Variants in PRELID2 observed in about 807,000 individuals in gnomAD.
The protein encoded by PRELID2 is PRELI domain containing 2, also known as PRELI domain-containing protein 2.
A neutral mutation model predicts 28.4 loss-of-function variants in PRELID2; 25 were observed. The observed-to-expected ratio is 0.88, with a 90% CI of 0.64 to 1.23. The LOEUF is 1.23. Among genes scored for constraint, PRELID2 ranks in the 50% most tolerant of loss-of-function variants. The pLI, the probability that PRELID2 is intolerant of heterozygous loss-of-function variation, is 0.00. For missense variants in PRELID2, 201 were observed against 214.4 expected (o/e 0.94, Z 0.39); for synonymous variants, 76 against 71.6 (o/e 1.06, Z -0.31).
At chr5:145,369,866 T>A in the PRELID2 span, among the ~76,000 whole-genome samples, 1 of 152,172 alleles carries the variant, frequency 6.6e-6, no homozygotes, top group Non-Finnish European at 1.5e-5. Context: ...ATTCCTCTAA[T>A]GACCAGTGAT....
At chr5:145,531,673 G>A (rs987070657) in intron 1 of PRELID2, among the ~76,000 whole-genome samples, 2 of 152,124 alleles carry the variant, frequency 1.3e-5, no homozygotes, top group Non-Finnish European at 2.9e-5. Flanking sequence ...GCTCTGCAAG[G>A]CCTCTCTGCT....
At chr5:145,379,965 T>C in the PRELID2 span, among the ~76,000 whole-genome samples, 3 of 151,922 alleles carry the variant, frequency 2.0e-5, no homozygotes, top group Admixed American at 1.3e-4. Flanking sequence ...CCCTACAGAG[T>C]TCAGGTCCAA....
chr5:145,562,807 T>A (rs551148358), intron 1 of PRELID2, among the ~76,000 whole-genome samples: 67 of 152,072 alleles, frequency 4.4e-4, no homozygotes, highest in Non-Finnish European at 9.0e-4. Flanking sequence ...AAGGAGAAGA[T>A]GGGTGATTAT....
chr5:145,638,105 C>G (rs1339845813), intron 1 of PRELID2, among the ~76,000 whole-genome samples: 2 of 152,156 alleles, frequency 1.3e-5, no homozygotes, highest in Non-Finnish European at 2.9e-5. Flanking sequence ...GCCACCGCTC[C>G]CAGCCAACCA....
intron 1 of PRELID2, among the ~76,000 whole-genome samples, chr5:145,517,616 T>C (rs1280353507): frequency 6.6e-6 from 1 of 152,134 alleles, no homozygotes; most frequent in African/African-American, 2.4e-5. Flanking sequence ...AGAAGTACCA[T>C]TTGACCCAGC....
At chr5:145,481,416 T>C (rs1236091762) in intron 1 of PRELID2, among the ~76,000 whole-genome samples, 1 of 151,852 alleles carries the variant, frequency 6.6e-6, no homozygotes, top group Non-Finnish European at 1.5e-5. Flanking sequence ...CTAAAACAAA[T>C]ATTTTCAATC....
intron 5 of PRELID2, among the ~76,000 whole-genome samples, chr5:145,774,130 G>T (rs1410486189): frequency 2.0e-5 from 3 of 152,160 alleles, no homozygotes; most frequent in Admixed American, 2.0e-4. Context: ...ATTTATTATG[G>T]GGTTACTGTA....
chr5:145,695,833 C>T (rs1049548571), intron 1 of PRELID2, among the ~76,000 whole-genome samples: 20 of 152,056 alleles, frequency 1.3e-4, no homozygotes, highest in African/African-American at 4.8e-4. Flanking sequence ...TCAGGAGTAA[C>T]ATATCACCAC....
intron 1 of PRELID2, among the ~76,000 whole-genome samples, chr5:145,739,140 T>C (rs970361229): frequency 6.6e-6 from 1 of 152,064 alleles, no homozygotes; most frequent in Non-Finnish European, 1.5e-5. Flanking sequence ...CTGAAAAAAT[T>C]AGTCACCAGC....
chr5:145,503,569 A>G (rs1752378582), intron 1 of PRELID2, among the ~76,000 whole-genome samples: 1 of 152,154 alleles, frequency 6.6e-6, no homozygotes, highest in East Asian at 1.9e-4. Context: ...TTTACAGATG[A>G]GAAAACTAAG....
At position 145,757,350 on chromosome 5, in the gene PRELID2, T is replaced by C. The variant is rs931799334; in HGVS notation, c.*3186A>G. ...TGCATAAGAACTTTATACTGTGTCC[T>C]GAATGATCAACTGAAATTCCACGAA... On this transcript the variant is annotated 3_prime_UTR_variant, in exon 7 of 7. Coordinates refer to ENST00000683046, the MANE Select transcript of PRELID2 (RefSeq NM_205846.3). Among the ~76,000 whole-genome samples the C allele has an allele frequency of 3.3e-5, 5 of 152,234 alleles. No homozygotes were observed. Among genetic ancestry groups the C allele is most frequent in the African/African-American group, 4.8e-5 (2 of 41,458 alleles).
intron 1 of PRELID2, among the ~76,000 whole-genome samples, chr5:145,552,117 C>T (rs1362246617): frequency 2.0e-5 from 3 of 152,266 alleles, no homozygotes; most frequent in Non-Finnish European, 4.4e-5. Context: ...ATAGTGTGCC[C>T]TACTTTTCCA....
Position 145,817,874 on chromosome 5 carries a change from C to A in PRELID2, c.368+20G>T. 1 of 1,529,506 alleles carries A rather than the reference C, an allele frequency of 6.5e-7. No homozygotes were observed. Among genetic ancestry groups the A allele is most frequent in the Non-Finnish European group, 8.8e-7 (1 of 1,141,674 alleles). 94.7% of individuals were successfully genotyped at this position (1,529,506 alleles called of 1,614,324 possible). A position where few individuals can be genotyped will look rare whatever the true frequency, so the allele number is the denominator to read the frequency against. ...CATCCCTGCAACCAAAACACACACA[C>A]ATATACACACGAGTCTTACCAATTT... On this transcript the variant is annotated intron_variant, in intron 4 of 6. Coordinates refer to ENST00000683046, the MANE Select transcript of PRELID2 (RefSeq NM_205846.3).
At chr5:145,466,834 C>A (rs1015406513), downstream of PRELID2, among the ~76,000 whole-genome samples, 1 of 152,194 alleles carries the variant, frequency 6.6e-6, no homozygotes, top group South Asian at 2.1e-4. Context: ...ATTTAGCAAG[C>A]CACACTCAAC....
At chr5:145,229,415 A>T in the PRELID2 span, 1 of 763,126 alleles carries the variant, frequency 1.3e-6, no homozygotes, top group African/African-American at 1.7e-5. Context: ...GAACCCCAAG[A>T]ACCAAGTGCC....
chr5:145,377,968 T>G, the PRELID2 span, among the ~76,000 whole-genome samples: 3 of 152,104 alleles, frequency 2.0e-5, no homozygotes, highest in Non-Finnish European at 2.9e-5. Flanking sequence ...CTTCAACAAC[T>G]CTTGTAAGGC....
chr5:145,550,677 A>G (rs1047606758), intron 1 of PRELID2, among the ~76,000 whole-genome samples: 4 of 152,330 alleles, frequency 2.6e-5, no homozygotes, highest in Non-Finnish European at 5.9e-5. Flanking sequence ...CATCAGAAAT[A>G]ATGTAAATAA....
chr5:145,376,314 T>C, the PRELID2 span, among the ~76,000 whole-genome samples: 1 of 152,164 alleles, frequency 6.6e-6, no homozygotes, highest in Admixed American at 6.5e-5. Flanking sequence ...CATTGAAGAT[T>C]TTTTCATCAA....
At chr5:145,314,334 A>T in the PRELID2 span, among the ~76,000 whole-genome samples, 1 of 152,200 alleles carries the variant, frequency 6.6e-6, no homozygotes, top group African/African-American at 2.4e-5. Context: ...ATTGTTAAAC[A>T]TGTCTTGTTT....
Sources: allele counts gnomAD v4.1 joint callset (sites outside exome capture counted in the v4.1 genomes callset), GRCh38; gene constraint gnomAD v4.1.1; transcripts MANE v1.5; gene names NCBI Gene and HGNC (gene_info 2026-07-23, HGNC 2026-07-21).